The following ROCK2 variants were observed in gnomAD, a reference collection of about 807,000 sequenced individuals.
ROCK2 encodes the protein rho-associated protein kinase 2.
A neutral mutation model predicts 195.1 loss-of-function variants in ROCK2; 61 were observed. The observed-to-expected ratio is 0.31, with a 90% confidence interval of 0.25 to 0.39. ROCK2 has a LOEUF of 0.39. Ranked by LOEUF, ROCK2 falls within the 10% of genes least tolerant of loss-of-function variation. ROCK2 has a pLI of 1.00. For missense variants in ROCK2, 1,109 were observed against 1,637.4 expected (o/e 0.68, Z 5.57); for synonymous variants, 504 against 545.5 (o/e 0.92, Z 1.06).
intron 10 of ROCK2, among the ~76,000 whole-genome samples, 153 bp from the exon 11 acceptor site, chr2:11,218,619 T>C (rs751678264): frequency 1.3e-5 from 2 of 152,246 alleles, no homozygotes; most frequent in African/African-American, 2.4e-5. Context: ...ATCATTTATG[T>C]GTATGTGTAT....
At chr2:11,333,307 T>C (rs1668824769) in intron 1 of ROCK2, among the ~76,000 whole-genome samples, 1 of 152,182 alleles carries the variant, frequency 6.6e-6, no homozygotes, top group African/African-American at 2.4e-5. Flanking sequence ...CTGAAACACA[T>C]TTTGCCAATT....
chr2:11,320,207 A>G (rs1408293743), intron 1 of ROCK2, among the ~76,000 whole-genome samples: 5 of 152,192 alleles, frequency 3.3e-5, no homozygotes, highest in South Asian at 2.1e-4. Context: ...CAACAACAAA[A>G]CTGCTTTAAA....
In ROCK2 at chr2:11,215,415, A is replaced by G. The variant is rs376321927; in HGVS notation, c.1598-3T>C. On this transcript the variant is annotated splice_polypyrimidine_tract_variant and splice_region_variant and intron_variant, in intron 14 of 32. Coordinates refer to ENST00000315872, the MANE Select transcript of ROCK2 (RefSeq NM_004850.5). Reference sequence around the variant, plus strand: ...AAGTTGATCTTTTAAGCTGTTAACTATGATAAAAAGCATTTCAGTGGCAAG... The same window carrying G: ...AAGTTGATCTTTTAAGCTGTTAACTGTGATAAAAAGCATTTCAGTGGCAAG... 4 of 1,604,244 alleles carry G rather than the reference A, an allele frequency of 2.5e-6. No individual in the cohort carries two copies. Among genetic ancestry groups the G allele is most frequent in the Non-Finnish European group, 3.4e-6 (4 of 1,175,968 alleles).
chr2:11,334,923 AAT>A (rs1668877825), intron 1 of ROCK2, among the ~76,000 whole-genome samples: 1 of 151,908 alleles, frequency 6.6e-6, no homozygotes, highest in Non-Finnish European at 1.5e-5. Flanking sequence ...TCAGACATTG[AAT>A]ATAAGTGGTC....
chr2:11,299,927 C>T (rs1015730762), intron 1 of ROCK2, among the ~76,000 whole-genome samples: 13 of 152,192 alleles, frequency 8.5e-5, no homozygotes, highest in African/African-American at 2.9e-4. Flanking sequence ...ATTTTAACAA[C>T]CTTTTAAATA....
At chr2:11,215,261 CTAA>C in intron 15 of ROCK2, 57 bp downstream of exon 15, 1 of 1,431,886 alleles carries the variant, frequency 7.0e-7, no homozygotes, top group Non-Finnish European at 9.5e-7. Flanking sequence ...TCAATTAAAA[CTAA>C]TGTTATCGCG....
Position 11,201,520 on chromosome 2 carries a change from T to G in ROCK2, c.2620-107A>C, listed in dbSNP as rs1473296312. ...AGAATGAACACATACAAATATTTTC[T>G]TACTGCTAAGTCCCCGAGCAAATGA... On this transcript the variant is annotated intron_variant, in intron 21 of 32. Coordinates refer to ENST00000315872, the MANE Select transcript of ROCK2 (RefSeq NM_004850.5). This position sits in a 1 kb window ranked among gnomAD's most constrained non-coding sequence, Gnocchi z 4.6. 1 of 680,626 alleles carries G rather than the reference T, an allele frequency of 1.5e-6. No homozygotes were observed. Among genetic ancestry groups the G allele is most frequent in the Non-Finnish European group, 2.6e-6 (1 of 387,946 alleles). 42.2% of individuals were successfully genotyped at this position (680,626 alleles called of 1,614,324 possible).
In ROCK2 at chr2:11,215,599, C is replaced by T; in HGVS notation, c.1508G>A (p.Arg503Lys). The T allele has an allele frequency of 3.7e-6, 6 of 1,613,444 alleles. No individual in the cohort carries two copies. The highest frequency in any genetic ancestry group is 3.4e-6 in the Non-Finnish European group (4 of 1,179,652). ...SVESALRQLE[R>K]EKALLQHKNA... ...TTTGTGCTGAAGAAGCGCCTTTTCT[C>T]TTTCTAACTGTCTTAATGCTGATTC... Residue 503 changes from arginine (R) to lysine (K), a missense_variant, in exon 14 of 33, where the codon AGA (arginine) becomes AAA (lysine). Physicochemically the swap from Arg to Lys is conservative, Grantham distance 26. Around this residue, in one of 6 missense-constraint regions of ROCK2, gnomAD observed 542 missense variants for 672.0 expected, o/e 0.81. Coordinates refer to ENST00000315872, the MANE Select transcript of ROCK2 (RefSeq NM_004850.5).
At chr2:11,344,782 C>T (rs909620970), upstream of ROCK2, among the ~76,000 whole-genome samples, 5 of 150,476 alleles carry the variant, frequency 3.3e-5, no homozygotes, top group Non-Finnish European at 7.4e-5. This position sits in a 1 kb window ranked among gnomAD's most constrained non-coding sequence, Gnocchi z 5.4. Context: ...TGTCCCGCTC[C>T]GCTTTCTCCT....
intron 1 of ROCK2, among the ~76,000 whole-genome samples, chr2:11,311,323 AG>A (rs1668029795): frequency 6.6e-6 from 1 of 152,130 alleles, no homozygotes; most frequent in East Asian, 1.9e-4. Flanking sequence ...TTGAGGTGGC[AG>A]GGTGGTGGGT....
chr2:11,208,801 C>T (rs185158050), intron 18 of ROCK2, among the ~76,000 whole-genome samples: 213 of 152,144 alleles, frequency 1.4e-3, no homozygotes, highest in Non-Finnish European at 2.5e-3. Context: ...CCATGTTGGC[C>T]AGGCTGGTCT....
chr2:11,291,342 G>A (rs1300841049), intron 1 of ROCK2, among the ~76,000 whole-genome samples: 6 of 152,172 alleles, frequency 3.9e-5, no homozygotes, highest in African/African-American at 7.2e-5. Flanking sequence ...CTGAGGCCAC[G>A]AGTTCGAGAC....
intron 1 of ROCK2, among the ~76,000 whole-genome samples, chr2:11,289,184 T>TA (rs1667288400): frequency 6.6e-6 from 1 of 152,112 alleles, no homozygotes; most frequent in South Asian, 2.1e-4. Context: ...AAATACATTT[T>TA]AAAAAATCCA....
intron 5 of ROCK2, 101 bp from the exon 6 acceptor site, chr2:11,227,499 A>C: frequency 9.2e-7 from 1 of 1,087,752 alleles, no homozygotes; most frequent in Non-Finnish European, 1.3e-6. Context: ...ATGATTACAT[A>C]TTGCTAACCA....
intron 1 of ROCK2, among the ~76,000 whole-genome samples, chr2:11,329,001 G>A (rs1668633610): frequency 1.3e-5 from 2 of 151,330 alleles, no homozygotes; most frequent in Admixed American, 1.3e-4. Context: ...ACACCAGCAT[G>A]GCACATGTAT....
intron 5 of ROCK2, among the ~76,000 whole-genome samples, chr2:11,232,308 T>C (rs1001951986): frequency 4.6e-5 from 7 of 152,104 alleles, no homozygotes; most frequent in African/African-American, 1.4e-4. Context: ...TTTCTGTTTT[T>C]AGTAGAAACG....
chr2:11,338,059 A>G (rs1444793762), intron 1 of ROCK2, among the ~76,000 whole-genome samples: 3 of 152,174 alleles, frequency 2.0e-5, no homozygotes, highest in African/African-American at 7.2e-5. Flanking sequence ...TAAGAGCCAA[A>G]GTAGGCTGGG....
At chr2:11,237,186 C>A (rs1056825868) in intron 4 of ROCK2, among the ~76,000 whole-genome samples, 3 of 152,050 alleles carry the variant, frequency 2.0e-5, no homozygotes, top group South Asian at 2.1e-4. Context: ...AAAATCGATA[C>A]CCTCAAAAGG....
intron 1 of ROCK2, among the ~76,000 whole-genome samples, chr2:11,323,306 C>A (rs539400321): frequency 6.6e-6 from 1 of 152,308 alleles, no homozygotes; most frequent in Non-Finnish European, 1.5e-5. Flanking sequence ...GGACAAACCT[C>A]CAAACCTCAG....
Sources: allele counts gnomAD v4.1 joint callset (sites outside exome capture counted in the v4.1 genomes callset), GRCh38; gene constraint gnomAD v4.1.1; regional missense constraint gnomAD v4.1.1; non-coding constraint Gnocchi (gnomAD v3.1); transcripts MANE v1.5; gene names NCBI Gene and HGNC (gene_info 2026-07-23, HGNC 2026-07-21).